OR9Q1: variants seen among roughly 807,000 people sequenced by gnomAD.
OR9Q1 encodes olfactory receptor 9Q1.
For synonymous variants in OR9Q1, 153 were observed against 148.6 expected, an observed-to-expected ratio of 1.03 and a Z score of -0.22; for missense variants, 374 against 378.8, an observed-to-expected ratio of 0.99 and a Z score of 0.11.
At chr11:58,075,036 G>A (rs1853526390) in intron 2 of OR9Q1, among the ~76,000 whole-genome samples, 1 of 152,118 alleles carries the variant, frequency 6.6e-6, no homozygotes, top group African/African-American at 2.4e-5. Context: ...AAGTCAGGTA[G>A]CATGATGCCT....
At chr11:58,069,898 C>CCAAAA (rs1853470143) in intron 2 of OR9Q1, among the ~76,000 whole-genome samples, 3 of 151,756 alleles carry the variant, frequency 2.0e-5, no homozygotes, top group Admixed American at 6.6e-5. Context: ...CCAAACCAAA[C>CCAAAA]CAAAACAAAA....
chr11:58,165,876 G>A (rs1854500042), intron 2 of OR9Q1, among the ~76,000 whole-genome samples: 1 of 152,198 alleles, frequency 6.6e-6, no homozygotes. Flanking sequence ...ACAAAATTAT[G>A]TACCTTCAAA....
rs139135884 is a variant in OR9Q1, at chr11:58,180,110, C to T, written c.666C>T (p.Ile222=). The T allele has an allele frequency of 8.2e-5, 133 of 1,613,922 alleles. 1 individual carries two copies. Among genetic ancestry groups the T allele is most frequent in the East Asian group, 2.9e-4 (13 of 44,890 alleles). Residue 222 remains isoleucine, a synonymous_variant, in exon 3 of 3, where the codon ATC becomes ATT. Transcript: ENST00000335397. ...VVILVSYLFI[I]VAIMGIPAGS... ...TCTTGGTGTCCTACCTGTTTATCAT[C>T]GTGGCCATCATGGGGATCCCTGCTG...
chr11:58,031,052 C>T (rs779303163), intron 1 of OR9Q1: 19 of 1,613,998 alleles, frequency 1.2e-5, no homozygotes, highest in Non-Finnish European at 1.6e-5. Flanking sequence ...CATACTCTTC[C>T]TCACCATGTA....
chr11:58,108,043 T>C (rs1245176093), intron 2 of OR9Q1, among the ~76,000 whole-genome samples: 1 of 152,074 alleles, frequency 6.6e-6, no homozygotes, highest in African/African-American at 2.4e-5. Context: ...AAAAAAGAAA[T>C]TGGAGATTCA....
chr11:58,030,794 T>C (rs867526479), intron 1 of OR9Q1: 1 of 621,660 alleles, frequency 1.6e-6, no homozygotes, highest in Non-Finnish European at 2.9e-6. Context: ...ATGTCCCTCA[T>C]GAACTGTGAA....
chr11:58,116,573 C>T (rs1011689447), intron 2 of OR9Q1, among the ~76,000 whole-genome samples: 6 of 152,138 alleles, frequency 3.9e-5, no homozygotes, highest in Non-Finnish European at 7.3e-5. Flanking sequence ...AAAATTCTTA[C>T]GAGAATGATG....
intron 1 of OR9Q1, chr11:58,031,112 G>A (rs1853028824): frequency 6.2e-7 from 1 of 1,614,028 alleles, no homozygotes; most frequent in Non-Finnish European, 8.5e-7. Context: ...GGTGGGTTTG[G>A]ACCACCGACT....
chr11:58,050,289 T>C (rs1352717967), intron 1 of OR9Q1, among the ~76,000 whole-genome samples: 13 of 143,852 alleles, frequency 9.0e-5, no homozygotes, highest in South Asian at 2.3e-4. Flanking sequence ...TCAGAAATAA[T>C]GCCGCATATC....
At chr11:58,066,876 C>G (rs1853435074) in intron 2 of OR9Q1, among the ~76,000 whole-genome samples, 1 of 152,186 alleles carries the variant, frequency 6.6e-6, no homozygotes, top group Admixed American at 6.5e-5. Flanking sequence ...GGCTGTAAAA[C>G]AAGCCAGCAA....
At position 58,146,956 on chromosome 11, in the gene OR9Q1, C is replaced by T. The variant is rs556923677; in HGVS notation, c.-14-32475C>T. 1.8e-4 allele frequency among the ~76,000 whole-genome samples: 28 copies of T among 152,134 alleles called. 1 individual carries two copies. The East Asian group carries it at 2.3e-3, about 13-fold the overall frequency. ...TGGACTTTATTTCAAAAGTAGAGTG[C>T]GAAATGATCAGATACGAATTTTTAA... On this transcript the variant is annotated intron_variant, in intron 2 of 2. Coordinates refer to ENST00000335397, the MANE Select transcript of OR9Q1 (RefSeq NM_001005212.4).
intron 1 of OR9Q1, chr11:58,031,148 A>G: frequency 6.2e-7 from 1 of 1,614,166 alleles, no homozygotes. Context: ...TTTCTTCCTG[A>G]CACACTTGTC....
At chr11:58,034,073 G>GT (rs1565054824) in intron 1 of OR9Q1, among the ~76,000 whole-genome samples, 14 of 106,648 alleles carry the variant, frequency 1.3e-4, no homozygotes, top group African/African-American at 5.1e-4. Context: ...CTCAGCACTT[G>GT]CTTTTTTTTT....
chr11:58,069,879 A>AAAACCAAACC (rs112350341), intron 2 of OR9Q1, among the ~76,000 whole-genome samples: 61 of 151,486 alleles, frequency 4.0e-4, no homozygotes, highest in Admixed American at 3.0e-3. Context: ...CAAACAACAA[A>AAAACCAAACC]AAACCAAACC....
chr11:58,134,379 A>G (rs1231704953), intron 2 of OR9Q1, among the ~76,000 whole-genome samples: 1 of 152,036 alleles, frequency 6.6e-6, no homozygotes, highest in Non-Finnish European at 1.5e-5. Context: ...GTCATCCCCA[A>G]CCTTTCCCAT....
chr11:58,113,977 G>A (rs1214380819), intron 2 of OR9Q1, among the ~76,000 whole-genome samples: 2 of 152,054 alleles, frequency 1.3e-5, no homozygotes, highest in Non-Finnish European at 1.5e-5. Flanking sequence ...TATTTCTTCT[G>A]TTTCTGAGCA....
intron 2 of OR9Q1, among the ~76,000 whole-genome samples, chr11:58,155,918 C>CTTTTTTT (rs139275746): frequency 7.1e-6 from 1 of 140,428 alleles, no homozygotes. Context: ...TCTTTTCCTT[C>CTTTTTTT]CTTTTTTTTT....
rs186788201 is a variant in OR9Q1 at position 58,042,478 on chromosome 11, T to G, written c.-92-13392T>G. Reference sequence around the variant, plus strand: ...TGTAGATATGCGGCGTTATTTCTGATGGCTCTGTTCCGTTCCATTGATCTA... The same window carrying G: ...TGTAGATATGCGGCGTTATTTCTGAGGGCTCTGTTCCGTTCCATTGATCTA... On this transcript the variant is annotated intron_variant, in intron 1 of 2. Transcript: ENST00000335397. Among the ~76,000 whole-genome samples, 291 of 151,892 alleles carry G rather than the reference T, an allele frequency of 1.9e-3. 1 individual carries two copies. Among genetic ancestry groups the G allele is most frequent in the African/African-American group, 6.3e-3 (263 of 41,440 alleles).
chr11:58,063,574 A>G (rs995208217), intron 2 of OR9Q1, among the ~76,000 whole-genome samples: 1 of 152,302 alleles, frequency 6.6e-6, no homozygotes, highest in African/African-American at 2.4e-5. Context: ...ACTCATTTCT[A>G]CTAGGGTGTG....
Sources: gnomAD v4.1 joint callset for allele counts (sites outside exome capture counted in the v4.1 genomes callset) on GRCh38, gnomAD v4.1.1 for gene constraint, MANE v1.5 for transcripts, NCBI Gene and HGNC (gene_info 2026-07-23, HGNC 2026-07-21) for gene names.